The following MYO1G variants were observed in gnomAD, a reference collection of about 807,000 sequenced individuals.
The protein encoded by MYO1G is myosin IG.
A neutral mutation model predicts 115.3 loss-of-function variants in MYO1G; 65 were observed. The ratio of observed to expected loss-of-function variants is 0.56; its 90% confidence interval spans 0.46 to 0.69. MYO1G has a LOEUF of 0.69. Ranked by LOEUF, MYO1G falls within the 30% of genes least tolerant of loss-of-function variation. The pLI, the probability that MYO1G is intolerant of heterozygous loss-of-function variation, is 0.00. For synonymous variants in MYO1G, 510 were observed against 552.6 expected (o/e 0.92, Z 1.08); for missense variants, 1,204 against 1,393.5 (o/e 0.86, Z 2.16).
Position 44,966,433 on chromosome 7 carries a change from T to G in MYO1G, c.1950-153A>C. 1 of 823,092 alleles carries G rather than the reference T, an allele frequency of 1.2e-6. No homozygotes were observed. The highest frequency in any genetic ancestry group is 2.0e-6 in the Non-Finnish European group (1 of 495,844). 51.0% of individuals were successfully genotyped at this position (823,092 alleles called of 1,614,324 possible). A position where few individuals can be genotyped will look rare whatever the true frequency, so the allele number is the denominator to read the frequency against. ...GTGCACATATGTCTTCCCATACACA[T>G]GTCCTCACATACATGTCCTCACACA... On this transcript the variant is annotated intron_variant, in intron 15 of 21. Transcript: ENST00000258787. The surrounding 1 kb of genome is among the most constrained non-coding windows in gnomAD (Gnocchi z 5.0).
rs763979006 is a variant in MYO1G, at chr7:44,970,632, C to T, written c.1177G>A (p.Val393Met). The T allele has an allele frequency of 1.6e-5, 26 of 1,613,684 alleles. No homozygotes were observed. Among genetic ancestry groups the T allele is most frequent in the Middle Eastern group, 1.6e-4 (1 of 6,084 alleles). ...ACCTCGAAGCCATAGATGTCCAGCA[C>T]GCCAATGACTGTGTCCTTGCCATCA... The part of the protein sequence containing the change: ...RRDGKDTVIG[V>M]LDIYGFEVFP... The change falls in exon 9 of 22, where the codon GTG (valine) becomes ATG (methionine). Residue 393 changes from valine (V) to methionine (M), a missense_variant. Physicochemically the swap from Val to Met is conservative, Grantham distance 21. Transcript: ENST00000258787.
chr7:44,962,873 G>C lies in MYO1G; in HGVS notation c.2923C>G (p.Arg975Gly). The change falls in exon 22 of 22, where the codon CGC becomes GGC. Residue 975 changes from arginine to glycine, a missense_variant. Arg to Gly is a moderately radical substitution (Grantham distance 125, BLOSUM62 -2). Coordinates refer to ENST00000258787, the MANE Select transcript of MYO1G (RefSeq NM_033054.3). The surrounding 1 kb of genome is among the most constrained non-coding windows in gnomAD (Gnocchi z 5.3). ...CQGEGRTLEVRVSDCIPLSHR... is the reference protein window; with the variant it reads ...CQGEGRTLEVGVSDCIPLSHR... The stretch of plus-strand genomic sequence containing the variant: ...CTTAGTGGGATGCAGTCGGAGACGC[G>C]AACCTCCAGGGTGCGGCCCTCCCTG... 1 of 1,494,726 alleles carries C rather than the reference G, an allele frequency of 6.7e-7. No individual in the cohort carries two copies. The highest frequency in any genetic ancestry group is 8.9e-7 in the Non-Finnish European group (1 of 1,123,684). 92.6% of individuals were successfully genotyped at this position (1,494,726 alleles called of 1,614,324 possible). A position where few individuals can be genotyped will look rare whatever the true frequency, so the allele number is the denominator to read the frequency against.
At chr7:44,967,795 C>T (rs556749049) in intron 13 of MYO1G, 58 bp from the exon 14 acceptor site, 10 of 1,611,814 alleles carry the variant, frequency 6.2e-6, no homozygotes, top group South Asian at 2.2e-5. Context: ...CACCCACCCA[C>T]GTCCTGACGC....
At chr7:44,973,045 A>T (rs1794988002) in intron 5 of MYO1G, 1 of 151,958 alleles carries the variant, frequency 6.6e-6, no homozygotes, top group Admixed American at 6.5e-5. Context: ...TCCACCTCAT[A>T]GGGGAATGGA....
chr7:44,976,511 C>T, intron 3 of MYO1G, 53 bp downstream of exon 3: 1 of 1,563,694 alleles, frequency 6.4e-7, no homozygotes, highest in Non-Finnish European at 8.8e-7. Context: ...TCCTGCCACA[C>T]TGAGGTCCCT....
chr7:44,964,019 T>G lies in MYO1G; in HGVS notation c.2745+30A>C, dbSNP rs1017500071. 4 of 1,526,062 alleles carry G rather than the reference T, an allele frequency of 2.6e-6. No homozygotes were observed. The highest frequency in any genetic ancestry group is 3.6e-6 in the Non-Finnish European group (4 of 1,122,898). 94.5% of individuals were successfully genotyped at this position (1,526,062 alleles called of 1,614,324 possible). A position where few individuals can be genotyped will look rare whatever the true frequency, so the allele number is the denominator to read the frequency against. ...GCCCAGCAGTGCCCCTCACAGATGC[T>G]GCACCCTACTCCCCACCCACATTGC... On this transcript the variant is annotated intron_variant, in intron 20 of 21. Coordinates refer to ENST00000258787, the MANE Select transcript of MYO1G (RefSeq NM_033054.3). This position sits in a 1 kb window ranked among gnomAD's most constrained non-coding sequence, Gnocchi z 5.1.
intron 2 of MYO1G, 61 bp downstream of exon 2, chr7:44,976,802 C>T: frequency 1.3e-6 from 2 of 1,592,774 alleles, no homozygotes; most frequent in Non-Finnish European, 1.7e-6. Flanking sequence ...CTCTAATGGC[C>T]CTCCCAAATG....
Position 44,976,853 on chromosome 7 carries a change from G to C in MYO1G, c.304+10C>G, listed in dbSNP as rs1367162202. 1 of 1,612,978 alleles carries C rather than the reference G, an allele frequency of 6.2e-7. No individual in the cohort carries two copies. Among genetic ancestry groups the C allele is most frequent in the African/African-American group, 1.3e-5 (1 of 75,044 alleles). ...GCCGAGGGTGGGGGCCCGGCGGCAG[G>C]GACAGGTACCTGAGATGACGATGCA... On this transcript the variant is annotated intron_variant, in intron 2 of 21. Coordinates refer to ENST00000258787, the MANE Select transcript of MYO1G (RefSeq NM_033054.3).
rs1329897768 is a variant in MYO1G, at chr7:44,963,137, C to T, written c.2746-13G>A. On this transcript the variant is annotated splice_polypyrimidine_tract_variant and intron_variant, in intron 20 of 21. Coordinates refer to ENST00000258787, the MANE Select transcript of MYO1G (RefSeq NM_033054.3). The surrounding 1 kb of genome is among the most constrained non-coding windows in gnomAD (Gnocchi z 4.1). The stretch of plus-strand genomic sequence containing the variant: ...TCAGCCCCGTCACCTGAGCGGAGCG[C>T]GGGGTCAGAGTGCAGCCGCCTCAAC... The T allele has an allele frequency of 1.4e-6, 2 of 1,441,582 alleles. No individual in the cohort carries two copies. Among genetic ancestry groups the T allele is most frequent in the African/African-American group, 3.0e-5 (2 of 67,062 alleles). 89.3% of individuals were successfully genotyped at this position (1,441,582 alleles called of 1,614,324 possible).
chr7:44,965,645 G>A lies in MYO1G; in HGVS notation c.2373C>T (p.Leu791=), dbSNP rs780952715. 2 of 1,613,028 alleles carry A rather than the reference G, an allele frequency of 1.2e-6. No homozygotes were observed. The highest frequency in any genetic ancestry group is 2.2e-5 in the East Asian group (1 of 44,856). ...TGGGCTGAGAGTAGTACCTGCAGAA[G>A]AGTGCGTGGCAGGTGTCCTGGAAGG... ...LQPFQDTCHA[L]FCRWRARQLV... is the part of the protein sequence containing the mutation. The change falls in exon 17 of 22, where the codon CTC becomes CTT. Residue 791 remains leucine, a synonymous_variant. Coordinates refer to ENST00000258787, the MANE Select transcript of MYO1G (RefSeq NM_033054.3).
rs1794910947 is a variant in MYO1G, at chr7:44,969,449, CG to C, written c.1537del (p.Arg513GlufsTer57). 6.2e-7 allele frequency: 1 copy of C among 1,613,786 alleles called. No homozygotes were observed. Among genetic ancestry groups the C allele is most frequent in the Non-Finnish European group, 8.5e-7 (1 of 1,180,000 alleles). On this transcript the variant is annotated frameshift_variant, in exon 12 of 22. Coordinates refer to ENST00000258787, the MANE Select transcript of MYO1G (RefSeq NM_033054.3). LOFTEE classifies it high-confidence loss of function. The surrounding 1 kb of genome is among the most constrained non-coding windows in gnomAD (Gnocchi z 5.0). Reference protein sequence around the residue: ...CPTDKTMEFGRDFRIKHYAGD... With the variant: ...CPTDKTMEFGXDFRIKHYAGD... ...TGCATAGTGCTTGATCCGGAAGTCT[CG>C]GCCAAACTCCATGGTCTTGTCTGTG...
In MYO1G at chr7:44,976,421, C is replaced by G. The variant is rs1795050374; in HGVS notation, c.398+143G>C. 9.1e-6 allele frequency: 7 copies of G among 768,036 alleles called. No individual in the cohort carries two copies. In the South Asian group the frequency reaches 1.0e-4, roughly 11 times the overall value. The allele number at this position is 768,036 out of a possible 1,614,324, so 47.6% of individuals were successfully genotyped here. On this transcript the variant is annotated intron_variant, in intron 3 of 21. Coordinates refer to ENST00000258787, the MANE Select transcript of MYO1G (RefSeq NM_033054.3). Reference sequence around the variant, plus strand: ...TCACCTCCGGGTGTGTTGGCATTATCTGGAAACTTCCCAAGTTCCCACTGA... The same window carrying G: ...TCACCTCCGGGTGTGTTGGCATTATGTGGAAACTTCCCAAGTTCCCACTGA...
At chr7:44,975,904 T>C (rs1795041839) in intron 3 of MYO1G, among the ~76,000 whole-genome samples, 1 of 152,128 alleles carries the variant, frequency 6.6e-6, no homozygotes, top group South Asian at 2.1e-4. Flanking sequence ...AGCATTGAGG[T>C]CCTTGTTTCT....
chr7:44,971,723 G>A lies in MYO1G; in HGVS notation c.796C>T (p.Pro266Ser), dbSNP rs1343084944. ...CGATGCACAGACTCCACCTCTTCAG[G>A]ACTGAAGCCGATGACCCTCATGGCC... ...TEAMRVIGFS[P>S]EEVESVHRIL... is the part of the protein sequence containing the mutation. Residue 266 changes from proline to serine, a missense_variant, in exon 7 of 22, where the codon CCT (proline) becomes TCT (serine). Physicochemically the swap from Pro to Ser is moderately conservative, Grantham distance 74. Transcript: ENST00000258787. The A allele has an allele frequency of 1.9e-6, 3 of 1,556,334 alleles. No homozygotes were observed. Among genetic ancestry groups the A allele is most frequent in the Non-Finnish European group, 2.6e-6 (3 of 1,149,598 alleles).
intron 6 of MYO1G, 74 bp from the exon 7 acceptor site, chr7:44,971,863 C>T (rs969216252): frequency 3.4e-6 from 4 of 1,177,098 alleles, no homozygotes; most frequent in African/African-American, 1.5e-5. Flanking sequence ...GGCTTGATTC[C>T]TCCATCCTAG....
chr7:44,965,146 GC>G, intron 17 of MYO1G, 57 bp from the exon 18 acceptor site: 1 of 1,560,626 alleles, frequency 6.4e-7, no homozygotes, highest in East Asian at 2.3e-5. Context: ...TGCTCCCTGA[GC>G]CCCCTCTCCA....
Position 44,976,894 on chromosome 7 carries a change from G to T in MYO1G, c.273C>A (p.His91Gln), listed in dbSNP as rs770827963. 6 of 1,613,412 alleles carry T rather than the reference G, an allele frequency of 3.7e-6. No homozygotes were observed. In the East Asian group the frequency reaches 1.3e-4, roughly 36 times the overall value. Residue 91 changes from histidine (H) to glutamine (Q), a missense_variant, in exon 2 of 22, where the codon CAC becomes CAA. By Grantham distance (24) the His-to-Gln change is conservative. Coordinates refer to ENST00000258787, the MANE Select transcript of MYO1G (RefSeq NM_033054.3). ...TGACGATGCAGGTGTCCCTGGACCG[G>T]TGCTTCATTGCCTTGTAGGCGGCGT... ...VANAAYKAMK[H>Q]RSRDTCIVIS...
At chr7:44,977,719 G>T (rs1040077067) in intron 1 of MYO1G, among the ~76,000 whole-genome samples, 3 of 152,204 alleles carry the variant, frequency 2.0e-5, no homozygotes, top group African/African-American at 7.2e-5. Context: ...CCCTTCTCTT[G>T]ACCTTTCTGC....
rs773132034 is a variant in MYO1G at position 44,978,953 on chromosome 7, G to A, written c.9C>T (p.Asp3=). The change falls in exon 1 of 22, where the codon GAC becomes GAT. Residue 3 remains aspartate, a synonymous_variant. Transcript: ENST00000258787. The stretch of plus-strand genomic sequence containing the variant: ...GTTTGCCATACTCAGGGCCTTCCTC[G>A]TCCTCCATCCTGCCGGCTGGAAACA... ME[D]EEGPEYGKPD... 13 of 1,613,966 alleles carry A rather than the reference G, an allele frequency of 8.1e-6. No homozygotes were observed. The highest frequency in any genetic ancestry group is 1.3e-5 in the African/African-American group (1 of 74,918).
Sources: gnomAD v4.1 joint callset for allele counts (sites outside exome capture counted in the v4.1 genomes callset) on GRCh38, gnomAD v4.1.1 for gene constraint, Gnocchi (gnomAD v3.1) non-coding constraint, MANE v1.5 for transcripts, NCBI Gene and HGNC (gene_info 2026-07-23, HGNC 2026-07-21) for gene names.